Variants in CMIP observed in about 807,000 individuals in gnomAD.
CMIP encodes C-Maf-inducing protein.
Under a neutral mutation model 97.3 loss-of-function variants are expected in CMIP, and 13 were observed. The observed-to-expected ratio is 0.13, with a 90% CI of 0.09 to 0.21. CMIP has a LOEUF of 0.21. CMIP is among the 10% of genes least tolerant of loss of function. The pLI is 1.00. For missense variants in CMIP, 847 were observed against 1,024.9 expected, an observed-to-expected ratio of 0.83 and a Z score of 2.37; for synonymous variants, 538 against 436.3, an observed-to-expected ratio of 1.23 and a Z score of -2.91.
chr16:81,668,143 G>C (rs867544502), intron 7 of CMIP, among the ~76,000 whole-genome samples: 4 of 152,118 alleles, frequency 2.6e-5, no homozygotes, highest in Non-Finnish European at 4.4e-5. Flanking sequence ...TCCTGATGCA[G>C]GCTGCTCTCC....
At chr16:81,626,811 GTGT>G (rs1481592505) in intron 3 of CMIP, among the ~76,000 whole-genome samples, 29 of 130,694 alleles carry the variant, frequency 2.2e-4, no homozygotes, top group African/African-American at 6.1e-4. Flanking sequence ...GTGTGTGTGT[GTGT>G]GTGGGGTGCA....
intron 1 of CMIP, among the ~76,000 whole-genome samples, chr16:81,542,039 A>G (rs764724744): frequency 2.5e-4 from 38 of 152,306 alleles, no homozygotes; most frequent in Non-Finnish European, 5.3e-4. Flanking sequence ...ATCACATTCC[A>G]TAAAATGGTC....
Position 81,483,563 on chromosome 16 carries a change from G to GCCTCTT in CMIP, c.300+38058_300+38063dup, listed in dbSNP as rs772607167. Among the ~76,000 whole-genome samples, 333 of 148,238 alleles carry GCCTCTT rather than the reference G, an allele frequency of 2.2e-3. 1 individual carries two copies. The highest frequency in any genetic ancestry group is 4.5e-3 in the Admixed American group (68 of 15,086). ...CTGGCTTGCCTCTCTCCCTCCCGCA[G>GCCTCTT]CCTCTTCCTCTTCCTCTTCCTCTTC... On this transcript the variant is annotated intron_variant, in intron 1 of 20. Transcript: ENST00000537098.
Position 81,709,743 on chromosome 16 carries a change from C to T in CMIP, c.2269-3C>T. On this transcript the variant is annotated splice_region_variant and splice_polypyrimidine_tract_variant and intron_variant, in intron 20 of 20. Transcript: ENST00000537098. ...TGACAAGGACTCTTATTGCCACCCC[C>T]AGGCCAAGCTTCCCAATTTGAAGGA... 6.2e-7 allele frequency: 1 copy of T among 1,613,920 alleles called. No individual in the cohort carries two copies. Among genetic ancestry groups the T allele is most frequent in the East Asian group, 2.2e-5 (1 of 44,880 alleles).
chr16:81,607,778 A>T, intron 2 of CMIP, 86 bp downstream of exon 2: 1 of 1,397,698 alleles, frequency 7.2e-7, no homozygotes, highest in Non-Finnish European at 9.9e-7. Context: ...GGGAGCCAGC[A>T]GCTATCAAGA....
chr16:81,575,107 A>C lies in CMIP; in HGVS notation c.301-32460A>C, dbSNP rs549298012. Among the ~76,000 whole-genome samples the C allele has an allele frequency of 2.6e-5, 4 of 152,292 alleles. No homozygotes were observed. The South Asian group carries it at 8.3e-4, about 32-fold the overall frequency. On this transcript the variant is annotated intron_variant, in intron 1 of 20. Transcript: ENST00000537098. ...ATAATAACTGAGTAACTGAGCACTT[A>C]ACTTCATGCCAGCCATATGCTAAAT...
chr16:81,524,764 G>T lies in CMIP; in HGVS notation c.300+79223G>T, dbSNP rs185826117. ...CTTGACAGTAACTGCGCCTTCCCAT[G>T]TTCTGCAGGGAGCATTTTTATTTCT... On this transcript the variant is annotated intron_variant, in intron 1 of 20. Coordinates refer to ENST00000537098, the MANE Select transcript of CMIP (RefSeq NM_198390.3). 4.6e-5 allele frequency among the ~76,000 whole-genome samples: 7 copies of T among 151,860 alleles called. No homozygotes were observed. In the South Asian group the frequency reaches 1.0e-3, roughly 23 times the overall value.
chr16:81,699,602 C>T, intron 14 of CMIP, 83 bp from the exon 15 acceptor site: 1 of 854,222 alleles, frequency 1.2e-6, no homozygotes, highest in Non-Finnish European at 1.9e-6. Context: ...TGTTCAACGG[C>T]TCTTGGGCTC....
intron 1 of CMIP, among the ~76,000 whole-genome samples, chr16:81,567,720 G>A (rs576243615): frequency 1.3e-5 from 2 of 152,308 alleles, no homozygotes; most frequent in East Asian, 1.9e-4. Flanking sequence ...CTCCTCTGCT[G>A]TGTCGTCTGC....
intron 1 of CMIP, among the ~76,000 whole-genome samples, chr16:81,605,817 C>T (rs2091734547): frequency 6.6e-6 from 1 of 152,252 alleles, no homozygotes; most frequent in African/African-American, 2.4e-5. Context: ...CACTAAGCTC[C>T]TGTCTTATTC....
intron 3 of CMIP, among the ~76,000 whole-genome samples, chr16:81,638,836 G>C (rs1567626284): frequency 1.3e-5 from 2 of 152,050 alleles, no homozygotes; most frequent in Non-Finnish European, 2.9e-5. Context: ...GGGGCGGGCA[G>C]GCTGTGTTGA....
chr16:81,701,533 C>G, intron 15 of CMIP, 127 bp from the exon 16 acceptor site: 1 of 1,332,848 alleles, frequency 7.5e-7, no homozygotes, highest in Non-Finnish European at 1.1e-6. Context: ...CAGGCTTACA[C>G]AGCCGGGGCT....
intron 18 of CMIP, 147 bp downstream of exon 18, chr16:81,704,232 G>GC (rs1199159009): frequency 7.0e-6 from 3 of 428,500 alleles, no homozygotes; most frequent in Non-Finnish European, 8.1e-6. Flanking sequence ...CCTCCTCCCT[G>GC]CCCCCCTTAC....
At chr16:81,615,275 G>A (rs2091897137) in intron 2 of CMIP, among the ~76,000 whole-genome samples, 3 of 132,798 alleles carry the variant, frequency 2.3e-5, no homozygotes, top group Non-Finnish European at 3.3e-5. Flanking sequence ...TACGTGGTAT[G>A]TGGCTGTGTG....
intron 1 of CMIP, among the ~76,000 whole-genome samples, chr16:81,573,605 G>A (rs540406932): frequency 1.3e-5 from 2 of 152,198 alleles, no homozygotes; most frequent in South Asian, 4.1e-4. Flanking sequence ...GTTACTTGTT[G>A]AAAATCGCTT....
intron 2 of CMIP, among the ~76,000 whole-genome samples, chr16:81,607,989 A>G (rs2091772590): frequency 6.6e-6 from 1 of 152,222 alleles, no homozygotes; most frequent in South Asian, 2.1e-4. Flanking sequence ...CCCATTTTAC[A>G]GATGAGGAAA....
At chr16:81,576,932 A>G (rs988085860) in intron 1 of CMIP, among the ~76,000 whole-genome samples, 16 of 152,222 alleles carry the variant, frequency 1.1e-4, no homozygotes, top group African/African-American at 3.9e-4. Context: ...CACCACCACC[A>G]CAATCAACAG....
At chr16:81,583,344 A>G (rs554012951) in intron 1 of CMIP, among the ~76,000 whole-genome samples, 1 of 152,330 alleles carries the variant, frequency 6.6e-6, no homozygotes, top group East Asian at 1.9e-4. Context: ...TGTGGGCCTG[A>G]TGGTAGAAAA....
At chr16:81,532,429 G>A (rs997562601) in intron 1 of CMIP, among the ~76,000 whole-genome samples, 1 of 152,110 alleles carries the variant, frequency 6.6e-6, no homozygotes, top group Non-Finnish European at 1.5e-5. Flanking sequence ...TTCCTGCCAG[G>A]CCAATACATT....
Sources: gnomAD v4.1 joint callset for allele counts (sites outside exome capture counted in the v4.1 genomes callset) on GRCh38, gnomAD v4.1.1 for gene constraint, MANE v1.5 for transcripts, NCBI Gene and HGNC (gene_info 2026-07-23, HGNC 2026-07-21) for gene names.